Variants in TENM3 observed in about 807,000 individuals in gnomAD.
TENM3 encodes teneurin-3.
TENM3 carries 63 observed loss-of-function variants against 255.1 expected under a neutral mutation model. The ratio of observed to expected loss-of-function variants is 0.25; its 90% CI spans 0.20 to 0.30. The LOEUF is 0.30. Ranked by LOEUF, TENM3 falls within the 10% of genes least tolerant of loss-of-function variation. The pLI, the probability that TENM3 is intolerant of heterozygous loss-of-function variation, is 1.00. For synonymous variants in TENM3, 1,306 were observed against 1,322.3 expected (o/e 0.99, Z 0.27); for missense variants, 2,929 against 3,461.1 (o/e 0.85, Z 3.86).
At chr4:181,776,995 A>T in the TENM3 span, among the ~76,000 whole-genome samples, 1 of 152,008 alleles carries the variant, frequency 6.6e-6, no homozygotes, top group South Asian at 2.1e-4. Context: ...TTAGCCGTAA[A>T]ATCTTTGCCT....
At chr4:182,352,782 G>A (rs1010783719) in intron 3 of TENM3, among the ~76,000 whole-genome samples, 8 of 152,030 alleles carry the variant, frequency 5.3e-5, no homozygotes, top group Admixed American at 3.3e-4. Flanking sequence ...GGAAAAAGGC[G>A]TACCCCTCAA....
At chr4:181,849,567 ATTTC>A in the TENM3 span, among the ~76,000 whole-genome samples, 2 of 152,234 alleles carry the variant, frequency 1.3e-5, no homozygotes, top group Non-Finnish European at 2.9e-5. Context: ...GCATTATAGT[ATTTC>A]TTTAATGTGT....
the TENM3 span, among the ~76,000 whole-genome samples, chr4:181,547,159 T>A: frequency 6.6e-6 from 1 of 152,036 alleles, no homozygotes; most frequent in East Asian, 1.9e-4. Flanking sequence ...TAAAATAAAA[T>A]CAGAGAAAAG....
chr4:181,608,674 G>A, the TENM3 span, among the ~76,000 whole-genome samples: 15 of 151,958 alleles, frequency 9.9e-5, no homozygotes, highest in Non-Finnish European at 1.9e-4. Context: ...TACAGACCCA[G>A]TCTGACTTCC....
At position 182,271,443 on chromosome 4, in the gene TENM3, A is replaced by G. The variant is rs527782427; in HGVS notation, c.-76+27967A>G. ...AGGCCTTCCCGTCCTTCCACCATGCATAGGTGGAGGCGCAGGACATCAGGA... is the reference window on the plus strand; with the variant it reads ...AGGCCTTCCCGTCCTTCCACCATGCGTAGGTGGAGGCGCAGGACATCAGGA... On this transcript the variant is annotated intron_variant, in intron 1 of 27. Coordinates refer to ENST00000511685, the MANE Select transcript of TENM3 (RefSeq NM_001080477.4). 2.0e-4 allele frequency among the ~76,000 whole-genome samples: 30 copies of G among 152,254 alleles called. No homozygotes were observed. In the South Asian group the frequency reaches 2.1e-3, roughly 11 times the overall value.
the TENM3 span, among the ~76,000 whole-genome samples, chr4:182,062,589 G>T: frequency 6.6e-6 from 1 of 152,176 alleles, no homozygotes; most frequent in Non-Finnish European, 1.5e-5. Context: ...ACCTTTCCAT[G>T]ACTACCAAAG....
At chr4:182,610,241 C>G (rs1372132896) in intron 4 of TENM3, among the ~76,000 whole-genome samples, 1 of 152,160 alleles carries the variant, frequency 6.6e-6, no homozygotes, top group African/African-American at 2.4e-5. Context: ...TAAAATGAAG[C>G]CTGAATGCAT....
intron 4 of TENM3, among the ~76,000 whole-genome samples, chr4:182,615,135 G>T (rs1298380923): frequency 6.7e-6 from 1 of 149,078 alleles, no homozygotes; most frequent in Non-Finnish European, 1.5e-5. Flanking sequence ...ATATTTGTGT[G>T]TGTGTGTGCT....
chr4:182,791,227 C>G (rs916958734), intron 25 of TENM3, among the ~76,000 whole-genome samples: 47 of 152,138 alleles, frequency 3.1e-4, no homozygotes, highest in African/African-American at 1.1e-3. Context: ...CTGGGTCTGC[C>G]CAAAGAGGAG....
intron 2 of TENM3, among the ~76,000 whole-genome samples, chr4:182,329,920 A>C (rs1763643276): frequency 6.6e-6 from 1 of 152,172 alleles, no homozygotes; most frequent in Non-Finnish European, 1.5e-5. Flanking sequence ...AAATTCTTTA[A>C]CTTCAAGGAT....
the TENM3 span, among the ~76,000 whole-genome samples, chr4:181,458,851 C>A: frequency 4.6e-5 from 7 of 151,794 alleles, no homozygotes; most frequent in African/African-American, 1.7e-4. Context: ...TGAATAAAGA[C>A]GCTATGAATA....
chr4:181,840,574 A>G, the TENM3 span, among the ~76,000 whole-genome samples: 2 of 152,130 alleles, frequency 1.3e-5, no homozygotes, highest in Non-Finnish European at 2.9e-5. Context: ...GCTTATAACT[A>G]TGAATTACTA....
chr4:182,028,239 G>A, the TENM3 span, among the ~76,000 whole-genome samples: 1 of 152,006 alleles, frequency 6.6e-6, no homozygotes, highest in Non-Finnish European at 1.5e-5. Context: ...TCTTCTAGAT[G>A]TTCCAGTTTA....
the TENM3 span, among the ~76,000 whole-genome samples, chr4:181,638,725 G>A: frequency 3.9e-5 from 6 of 152,022 alleles, no homozygotes; most frequent in East Asian, 1.2e-3. Context: ...TGAGATGGTG[G>A]GTTTTTTTAA....
At chr4:182,615,063 A>G (rs868146500) in intron 4 of TENM3, among the ~76,000 whole-genome samples, 1 of 124,192 alleles carries the variant, frequency 8.1e-6, no homozygotes, top group Non-Finnish European at 1.7e-5. Flanking sequence ...ATATATATAT[A>G]TATGTATTTT....
upstream of TENM3, chr4:182,144,199 C>T (rs1289046921): frequency 4.7e-5 from 2 of 42,750 alleles, no homozygotes; most frequent in East Asian, 7.6e-4. Context: ...CTCGCACACT[C>T]CCGCACACAC....
chr4:182,582,244 C>A (rs1745559741), intron 3 of TENM3, among the ~76,000 whole-genome samples: 1 of 152,166 alleles, frequency 6.6e-6, no homozygotes, highest in African/African-American at 2.4e-5. Flanking sequence ...ACTTCCTCTT[C>A]ATTTCCTTCT....
chr4:182,435,567 C>A (rs1300281349), intron 3 of TENM3, among the ~76,000 whole-genome samples: 1 of 152,202 alleles, frequency 6.6e-6, no homozygotes, highest in African/African-American at 2.4e-5. Context: ...AGCATGGGAA[C>A]AGGGCTGGCA....
the TENM3 span, among the ~76,000 whole-genome samples, chr4:182,038,895 G>T: frequency 6.6e-6 from 1 of 151,966 alleles, no homozygotes; most frequent in African/African-American, 2.4e-5. Context: ...CACCATGCCT[G>T]GCTAATTTTG....
Sources: allele counts gnomAD v4.1 joint callset (sites outside exome capture counted in the v4.1 genomes callset), GRCh38; gene constraint gnomAD v4.1.1; transcripts MANE v1.5; gene names NCBI Gene and HGNC (gene_info 2026-07-23, HGNC 2026-07-21).